NF2: variants seen among roughly 807,000 people sequenced by gnomAD.
The protein encoded by NF2 is NF2, moesin-ezrin-radixin like (MERLIN) tumor suppressor.
In NF2, 8 loss-of-function variants were observed where a neutral mutation model predicts 83.7. The ratio of observed to expected loss-of-function variants is 0.10; its 90% CI spans 0.06 to 0.17. The LOEUF is 0.17. Among genes scored for constraint, NF2 ranks in the 10% least tolerant of loss-of-function variants. The probability of loss-of-function intolerance (pLI) is 1.00; values close to 1 mark genes in which losing one functional copy is unlikely to be tolerated. For synonymous variants in NF2, 266 were observed against 269.6 expected (o/e 0.99, Z 0.13); for missense variants, 533 against 744.4 (o/e 0.72, Z 3.31).
At chr22:29,674,322 G>A (rs2066896588) in intron 12 of NF2, among the ~76,000 whole-genome samples, 1 of 152,218 alleles carries the variant, frequency 6.6e-6, no homozygotes, top group South Asian at 2.1e-4. Context: ...CCCATAGGAT[G>A]AGGATCTGCA....
intron 8 of NF2, among the ~76,000 whole-genome samples, chr22:29,664,752 TCCCA>T (rs1241693986): frequency 6.6e-6 from 1 of 152,196 alleles, no homozygotes; most frequent in Non-Finnish European, 1.5e-5. Flanking sequence ...AAGAATCCCT[TCCCA>T]CACTCATGCC....
In NF2 at chr22:29,693,054, T is replaced by C. The variant is rs189946800; in HGVS notation, c.1738-1698T>C. ...TTCTTTTCAGAAACCTGAGCGGAGA[T>C]ACTGGGCTCACATGCTTTCATTTAA... On this transcript the variant is annotated intron_variant, in intron 15 of 15. Coordinates refer to ENST00000338641, the MANE Select transcript of NF2 (RefSeq NM_000268.4). Among the ~76,000 whole-genome samples, 7 of 152,362 alleles carry C rather than the reference T, an allele frequency of 4.6e-5. No homozygotes were observed. The East Asian group carries it at 1.4e-3, about 29-fold the overall frequency.
At chr22:29,669,646 G>A (rs569134061) in intron 10 of NF2, among the ~76,000 whole-genome samples, 1 of 152,350 alleles carries the variant, frequency 6.6e-6, no homozygotes, top group South Asian at 2.1e-4. Flanking sequence ...CAGGGAATAT[G>A]CAGTCTGTGG....
chr22:29,678,121 A>T (rs1201520569), intron 13 of NF2, 75 bp from the exon 14 acceptor site: 1 of 1,602,308 alleles, frequency 6.2e-7, no homozygotes, highest in Non-Finnish European at 8.5e-7. Flanking sequence ...CTGCTGGAGG[A>T]TCGGTTGTCA....
intron 7 of NF2, 70 bp downstream of exon 7, chr22:29,658,334 G>A (rs942912939): frequency 1.6e-5 from 21 of 1,324,486 alleles, no homozygotes; most frequent in Non-Finnish European, 2.0e-5. Context: ...CTGCTAAAAT[G>A]GTTACTTCTT....
At position 29,694,418 on chromosome 22, in the gene NF2, G is replaced by A. The variant is rs958635149; in HGVS notation, c.1738-334G>A. ...ACAGCACACCACAGAGGTGGCTCAG[G>A]GACCTTGGTAGATGGGAATGTGAGA... On this transcript the variant is annotated intron_variant, in intron 15 of 15. Coordinates refer to ENST00000338641, the MANE Select transcript of NF2 (RefSeq NM_000268.4). This position sits in a 1 kb window ranked among gnomAD's most constrained non-coding sequence, Gnocchi z 4.1. Among the ~76,000 whole-genome samples the A allele has an allele frequency of 6.6e-6, 1 of 152,194 alleles. No homozygotes were observed. The highest frequency in any genetic ancestry group is 2.4e-5 in the African/African-American group (1 of 41,462).
At position 29,689,902 on chromosome 22, in the gene NF2, G is replaced by A. The variant is rs934315414; in HGVS notation, c.1738-4850G>A. Among the ~76,000 whole-genome samples, 6 of 152,326 alleles carry A rather than the reference G, an allele frequency of 3.9e-5. No individual in the cohort carries two copies. In the East Asian group the frequency reaches 7.7e-4, roughly 20 times the overall value. ...GCCTTGCTGCTGCAGGCTCCGTGCC[G>A]GAATACATTTAGTTACCCTCCCATC... On this transcript the variant is annotated intron_variant, in intron 15 of 15. Transcript: ENST00000338641.
At chr22:29,611,264 G>A (rs2064944975) in intron 1 of NF2, among the ~76,000 whole-genome samples, 1 of 152,202 alleles carries the variant, frequency 6.6e-6, no homozygotes, top group Admixed American at 6.5e-5. Flanking sequence ...GCTCACGCCT[G>A]TAATCCTAAC....
intron 1 of NF2, among the ~76,000 whole-genome samples, chr22:29,614,536 C>T (rs1010421200): frequency 9.7e-5 from 14 of 144,678 alleles, no homozygotes; most frequent in Non-Finnish European, 1.0e-4. Context: ...AAGCCGAGAT[C>T]GCACTACTGC....
chr22:29,665,031 G>A lies in NF2; in HGVS notation c.852G>A (p.Lys284=), dbSNP rs1184031479. ...KPLDKKIDVF[K]FNSSKLRVNK... is the part of the protein sequence containing the mutation. ...TGGATAAGAAAATTGATGTCTTCAA[G>A]TTTAACTCCTCAAAGCTTCGTGTTA... Residue 284 remains lysine (K), a synonymous_variant, in exon 9 of 16, where the codon AAG becomes AAA. Coordinates refer to ENST00000338641, the MANE Select transcript of NF2 (RefSeq NM_000268.4). 5 of 1,613,816 alleles carry A rather than the reference G, an allele frequency of 3.1e-6. No homozygotes were observed. Among genetic ancestry groups the A allele is most frequent in the African/African-American group, 1.3e-5 (1 of 74,930 alleles).
chr22:29,619,327 G>A (rs1398370577), intron 1 of NF2, among the ~76,000 whole-genome samples: 1 of 152,050 alleles, frequency 6.6e-6, no homozygotes, highest in African/African-American at 2.4e-5. Context: ...TTACAGGCAC[G>A]AGCCACTACG....
intron 15 of NF2, among the ~76,000 whole-genome samples, chr22:29,693,852 G>T (rs1483675796): frequency 1.3e-5 from 2 of 152,342 alleles, no homozygotes; most frequent in South Asian, 4.1e-4. Flanking sequence ...CCGCACTCCT[G>T]TGGGAAGTCC....
At position 29,634,588 on chromosome 22, in the gene NF2, G is replaced by A. The variant is rs546980820; in HGVS notation, c.115-2163G>A. On this transcript the variant is annotated intron_variant, in intron 1 of 15. Coordinates refer to ENST00000338641, the MANE Select transcript of NF2 (RefSeq NM_000268.4). The stretch of plus-strand genomic sequence containing the variant: ...ATGACCATGAGTTATGGCAGATTGG[G>A]AATCGTTACCTTGATCTTCTCAACC... Among the ~76,000 whole-genome samples, 14 of 152,270 alleles carry A rather than the reference G, an allele frequency of 9.2e-5. No individual in the cohort carries two copies. The South Asian group carries it at 1.9e-3, about 20-fold the overall frequency.
At chr22:29,680,762 C>T (rs1488177698) in intron 14 of NF2, among the ~76,000 whole-genome samples, 3 of 152,002 alleles carry the variant, frequency 2.0e-5, no homozygotes, top group South Asian at 2.1e-4. Flanking sequence ...AAAGAGATCA[C>T]GTGAAGCTGG....
At chr22:29,663,661 A>G (rs551351672) in intron 8 of NF2, among the ~76,000 whole-genome samples, 2 of 152,344 alleles carry the variant, frequency 1.3e-5, no homozygotes, top group African/African-American at 4.8e-5. Context: ...CACTGCTTCT[A>G]AGTTAACTTG....
intron 4 of NF2, among the ~76,000 whole-genome samples, chr22:29,653,598 T>C (rs2066216614): frequency 6.6e-6 from 1 of 152,182 alleles, no homozygotes; most frequent in African/African-American, 2.4e-5. Context: ...GAATGAGACA[T>C]GATTTAAAGT....
At chr22:29,655,496 T>G (rs923382965) in intron 5 of NF2, 98 bp from the exon 6 acceptor site, 1 of 899,670 alleles carries the variant, frequency 1.1e-6, no homozygotes, top group African/African-American at 1.6e-5. Context: ...AAAAATAGCT[T>G]TACTGTTTTG....
chr22:29,658,038 A>C, intron 6 of NF2, 151 bp from the exon 7 acceptor site: 1 of 713,652 alleles, frequency 1.4e-6, no homozygotes, highest in Non-Finnish European at 2.5e-6. Context: ...AGGGCCGGGC[A>C]GAGCTTTGCT....
intron 1 of NF2, among the ~76,000 whole-genome samples, chr22:29,622,659 T>TA (rs2065244214): frequency 7.3e-6 from 1 of 137,792 alleles, no homozygotes; most frequent in African/African-American, 2.7e-5. Flanking sequence ...TTTTTTTTTT[T>TA]TTTTTTTTTT....
Sources: gnomAD v4.1 joint callset for allele counts (sites outside exome capture counted in the v4.1 genomes callset) on GRCh38, gnomAD v4.1.1 for gene constraint, Gnocchi (gnomAD v3.1) non-coding constraint, MANE v1.5 for transcripts, NCBI Gene and HGNC (gene_info 2026-07-23, HGNC 2026-07-21) for gene names.